Variants in RIMBP2 observed in about 807,000 individuals in gnomAD.
The protein encoded by RIMBP2 is RIMS-binding protein 2.
Under a neutral mutation model 118.6 loss-of-function variants are expected in RIMBP2, and 48 were observed. The observed-to-expected ratio is 0.40, with a 90% CI of 0.32 to 0.51. RIMBP2 has a LOEUF of 0.51. Among genes scored for constraint, RIMBP2 ranks in the 20% least tolerant of loss-of-function variants. The probability of loss-of-function intolerance (pLI) is 0.41; values close to 1 mark genes in which losing one functional copy is unlikely to be tolerated. For synonymous variants in RIMBP2, 762 were observed against 742.9 expected, an observed-to-expected ratio of 1.03 and a Z score of -0.42; for missense variants, 1,551 against 1,768.3, an observed-to-expected ratio of 0.88 and a Z score of 2.20.
At chr12:130,572,888 G>T (rs1007942487) in intron 2 of RIMBP2, among the ~76,000 whole-genome samples, 1 of 152,150 alleles carries the variant, frequency 6.6e-6, no homozygotes, top group Non-Finnish European at 1.5e-5. Context: ...GCCAGGGTAG[G>T]AGCAGGGTCA....
intron 21 of RIMBP2, among the ~76,000 whole-genome samples, chr12:130,403,185 G>A (rs11060862): frequency 0.12 from 17,718 of 152,130 alleles, 1,121 homozygotes; most frequent in South Asian, 0.21. Context: ...TAAGATTTTT[G>A]GTATCAAATT....
intron 6 of RIMBP2, among the ~76,000 whole-genome samples, chr12:130,460,007 G>T (rs1315187842): frequency 6.6e-6 from 1 of 152,216 alleles, no homozygotes; most frequent in African/African-American, 2.4e-5. Context: ...ACAATAAGCT[G>T]CGGGTAAACT....
At chr12:130,571,416 A>ATATTT (rs1555294910) in intron 2 of RIMBP2, among the ~76,000 whole-genome samples, 1 of 104,296 alleles carries the variant, frequency 9.6e-6, no homozygotes, top group African/African-American at 3.2e-5. Context: ...CCATAGTAAC[A>ATATTT]TTTTTTTTTT....
Position 130,414,250 on chromosome 12 carries a change from G to C in RIMBP2, c.3295C>G (p.Pro1099Ala). ...CGGGCCGGGAGCTCTTCGGCACCAGGGTCAGTTTCTGACTCTTCATAGAAG... is the reference window on the plus strand; with the variant it reads ...CGGGCCGGGAGCTCTTCGGCACCAGCGTCAGTTTCTGACTCTTCATAGAAG... ...PDFYEESETD[P>A]GAEELPARIF... The change falls in exon 18 of 23, where the codon CCT becomes GCT. Residue 1099 changes from proline to alanine, a missense_variant. Physicochemically the swap from Pro to Ala is conservative, Grantham distance 27. This residue lies in a region of RIMBP2 where 1,038 missense variants were observed against 1,125.1 expected (regional missense o/e 0.92). Coordinates refer to ENST00000690449, the MANE Select transcript of RIMBP2 (RefSeq NM_001393629.1). 1 of 1,613,662 alleles carries C rather than the reference G, an allele frequency of 6.2e-7. No homozygotes were observed. The highest frequency in any genetic ancestry group is 8.5e-7 in the Non-Finnish European group (1 of 1,179,786).
chr12:130,606,621 C>A (rs1472695985), intron 2 of RIMBP2, among the ~76,000 whole-genome samples: 2 of 152,140 alleles, frequency 1.3e-5, no homozygotes, highest in East Asian at 1.9e-4. Flanking sequence ...TCCATCCAAA[C>A]CTTATCTGAA....
At chr12:130,699,293 G>T (rs2065723952) in intron 1 of RIMBP2, among the ~76,000 whole-genome samples, 1 of 152,086 alleles carries the variant, frequency 6.6e-6, no homozygotes. Flanking sequence ...GTCTATTGCG[G>T]CACTATTCAC....
intron 16 of RIMBP2, among the ~76,000 whole-genome samples, chr12:130,423,497 G>C (rs1054839211): frequency 6.6e-6 from 1 of 152,128 alleles, no homozygotes; most frequent in African/African-American, 2.4e-5. Context: ...ACACAATATA[G>C]AGATGAATGA....
chr12:130,399,071 G>T, intron 22 of RIMBP2: 2 of 1,116,604 alleles, frequency 1.8e-6, no homozygotes, highest in Non-Finnish European at 2.4e-6. Flanking sequence ...GGTTAAGGTA[G>T]CTTAAGTTGG....
intron 1 of RIMBP2, among the ~76,000 whole-genome samples, chr12:130,650,958 T>TAAAAAAAAA (rs397700189): frequency 8.0e-6 from 1 of 125,602 alleles, no homozygotes; most frequent in African/African-American, 3.0e-5. Context: ...TTGTTTTTTT[T>TAAAAAAAAA]AAAAAAAAAA....
chr12:130,639,044 A>C (rs1010862715), intron 1 of RIMBP2, among the ~76,000 whole-genome samples: 4 of 151,654 alleles, frequency 2.6e-5, no homozygotes, highest in Non-Finnish European at 5.9e-5. Context: ...GTGCTTGGGA[A>C]CTCCCTGTAC....
At chr12:130,458,989 A>G (rs897467142) in intron 6 of RIMBP2, among the ~76,000 whole-genome samples, 2 of 150,878 alleles carry the variant, frequency 1.3e-5, no homozygotes, top group Admixed American at 6.6e-5. Context: ...GGTTGTAGTG[A>G]GCTGAGATCG....
At chr12:130,673,274 G>A (rs2064284320) in intron 1 of RIMBP2, among the ~76,000 whole-genome samples, 1 of 152,218 alleles carries the variant, frequency 6.6e-6, no homozygotes, top group African/African-American at 2.4e-5. Flanking sequence ...ACCTCATCCT[G>A]GATCTGGGAC....
chr12:130,432,445 C>T (rs1321289314), intron 14 of RIMBP2, among the ~76,000 whole-genome samples: 1 of 152,154 alleles, frequency 6.6e-6, no homozygotes, highest in Non-Finnish European at 1.5e-5. Flanking sequence ...GTGTTGCTGG[C>T]TCGACATTTG....
chr12:130,485,925 C>T (rs973980690), intron 4 of RIMBP2, among the ~76,000 whole-genome samples: 2 of 152,184 alleles, frequency 1.3e-5, no homozygotes, highest in African/African-American at 4.8e-5. Flanking sequence ...GTCAGAAAGG[C>T]GTGAGCGGGA....
At chr12:130,708,413 C>T (rs985218393) in intron 1 of RIMBP2, among the ~76,000 whole-genome samples, 3 of 152,174 alleles carry the variant, frequency 2.0e-5, no homozygotes, top group Non-Finnish European at 4.4e-5. Context: ...TAAAGCTGGG[C>T]ATGGTGGCTC....
intron 2 of RIMBP2, among the ~76,000 whole-genome samples, chr12:130,602,713 C>T (rs2059945861): frequency 1.3e-5 from 2 of 152,216 alleles, no homozygotes; most frequent in Non-Finnish European, 2.9e-5. Context: ...GGTCGCATGA[C>T]AGAAGAATTC....
chr12:130,680,386 G>A (rs1199174698), intron 1 of RIMBP2, among the ~76,000 whole-genome samples: 1 of 152,146 alleles, frequency 6.6e-6, no homozygotes, highest in Non-Finnish European at 1.5e-5. Flanking sequence ...GAATGGAGGG[G>A]GCCAGAGCTG....
chr12:130,590,290 G>A (rs2059173326), intron 2 of RIMBP2, among the ~76,000 whole-genome samples: 1 of 152,132 alleles, frequency 6.6e-6, no homozygotes, highest in Non-Finnish European at 1.5e-5. Context: ...AAGGCCACCT[G>A]CCAACTGACA....
At chr12:130,555,641 C>T (rs966163118) in intron 2 of RIMBP2, among the ~76,000 whole-genome samples, 1 of 152,118 alleles carries the variant, frequency 6.6e-6, no homozygotes, top group East Asian at 1.9e-4. Context: ...AAGATCTATC[C>T]GGGGCACAGG....
Sources: gnomAD v4.1 joint callset for allele counts (sites outside exome capture counted in the v4.1 genomes callset) on GRCh38, gnomAD v4.1.1 for gene constraint, gnomAD v4.1.1 regional missense constraint, MANE v1.5 for transcripts, NCBI Gene and HGNC (gene_info 2026-07-23, HGNC 2026-07-21) for gene names.